Variants in BRWD1 observed in about 807,000 individuals in gnomAD.
The protein encoded by BRWD1 is bromodomain and WD repeat-containing protein 1.
In BRWD1, 82 loss-of-function variants were observed where a neutral mutation model predicts 251.2. The ratio of observed to expected loss-of-function variants is 0.33; its 90% confidence interval spans 0.27 to 0.39. The LOEUF is 0.39. BRWD1 is among the 10% of genes least tolerant of loss of function. The probability of loss-of-function intolerance (pLI) is 1.00; values close to 1 mark genes in which losing one functional copy is unlikely to be tolerated. For synonymous variants in BRWD1, 918 were observed against 902.8 expected (o/e 1.02, Z -0.30); for missense variants, 2,233 against 2,711.6 (o/e 0.82, Z 3.92).
intron 4 of BRWD1, 109 bp downstream of exon 4, chr21:39,312,732 G>C (rs1329937861): frequency 2.7e-6 from 2 of 747,280 alleles, no homozygotes; most frequent in African/African-American, 1.8e-5. Context: ...CCGCCCCCCA[G>C]TGCGGGTCAC....
intron 10 of BRWD1, 72 bp from the exon 11 acceptor site, chr21:39,277,423 A>C: frequency 1.1e-6 from 1 of 945,858 alleles, no homozygotes; most frequent in South Asian, 2.5e-5. Flanking sequence ...TTTCCATATT[A>C]AAATATAAAA....
In BRWD1 at chr21:39,313,003, GGC is replaced by G. The variant is rs1418117664; in HGVS notation, c.138+67_138+68del. The G allele has an allele frequency of 2.6e-4, 309 of 1,168,498 alleles. 2 individuals carry two copies. In the African/African-American group the frequency reaches 4.4e-3, roughly 17 times the overall value. 72.4% of individuals were successfully genotyped at this position (1,168,498 alleles called of 1,614,324 possible). A position where few individuals can be genotyped will look rare whatever the true frequency, so the allele number is the denominator to read the frequency against. On this transcript the variant is annotated intron_variant, in intron 3 of 40. Transcript: ENST00000342449. ...CGGCGGGCGGCGGGCGGGGGGCGCG[GGC>G]GAGCATCCCTCAGGGCAAGGTCGGC...
rs1159638002 is a variant in BRWD1, at chr21:39,313,477, C to T, written c.15G>A (p.Ser5=). The T allele has an allele frequency of 2.2e-6, 3 of 1,334,138 alleles. No homozygotes were observed. The highest frequency in any genetic ancestry group is 2.9e-6 in the Non-Finnish European group (3 of 1,047,748). The allele number at this position is 1,334,138 out of a possible 1,614,324, so 82.6% of individuals were successfully genotyped here. The change falls in exon 1 of 41, where the codon TCG becomes TCA. Residue 5 remains serine (S), a synonymous_variant. Transcript: ENST00000342449. Reference sequence around the variant, plus strand: ...TGAGAGGCACCGGGCGTCGGGCGGACGACGGCTCCGCCATGGCCGGGCGCG... The same window carrying T: ...TGAGAGGCACCGGGCGTCGGGCGGATGACGGCTCCGCCATGGCCGGGCGCG... MAEP[S]SARRPVPLIE...
chr21:39,199,645 T>G lies in BRWD1; in HGVS notation c.4771A>C (p.Asn1591His). 6.2e-7 allele frequency: 1 copy of G among 1,605,366 alleles called. No individual in the cohort carries two copies. The highest frequency in any genetic ancestry group is 1.3e-5 in the African/African-American group (1 of 74,290). Residue 1591 changes from asparagine (N) to histidine (H), a missense_variant, in exon 40 of 41, where the codon AAT becomes CAT. Transcript: ENST00000342449. ...QRKTGPVSLA[N>H]GCGRKATRKR... ...CGAGTGGCTTTTCTGCCACATCCAT[T>G]TGCTAATGAAACGGGACCTAGAAAT...
At chr21:39,213,680 C>G (rs180874019) in intron 32 of BRWD1, 127 bp from the exon 33 acceptor site, 2 of 567,130 alleles carry the variant, frequency 3.5e-6, no homozygotes, top group Non-Finnish European at 6.0e-6. Context: ...AGAGGAATAT[C>G]AGGTTTTCCC....
In BRWD1 at chr21:39,199,471, T is replaced by A; in HGVS notation, c.4945A>T (p.Asn1649Tyr). 1 of 1,614,184 alleles carries A rather than the reference T, an allele frequency of 6.2e-7. No homozygotes were observed. The highest frequency in any genetic ancestry group is 1.1e-5 in the South Asian group (1 of 91,084). ...GAACAGACACTTTCAGAGCTAGAAT[T>A]CTCTTCTACATCACTCATTAGCTTT... ...KIKLMSDVEE[N>Y]SSSESVCSGR... The change falls in exon 40 of 41, where the codon AAT becomes TAT. Residue 1649 changes from asparagine to tyrosine, a missense_variant. Coordinates refer to ENST00000342449, the MANE Select transcript of BRWD1 (RefSeq NM_033656.4).
chr21:39,231,077 G>A (rs2033596825), intron 25 of BRWD1, among the ~76,000 whole-genome samples: 1 of 152,088 alleles, frequency 6.6e-6, no homozygotes, highest in Admixed American at 6.5e-5. Context: ...ACTTATACAA[G>A]CAGAGCCATT....
chr21:39,185,206 T>A (rs1471873918), downstream of BRWD1: 2 of 143,646 alleles, frequency 1.4e-5, no homozygotes, highest in Admixed American at 7.3e-5. Flanking sequence ...GCAAGACTGA[T>A]AATACAATCT....
At chr21:39,200,075 A>G in intron 39 of BRWD1, 144 bp downstream of exon 39, 1 of 861,330 alleles carries the variant, frequency 1.2e-6, no homozygotes. Context: ...TTTAATGCCA[A>G]AATTCATTTC....
At chr21:39,313,376 C>T (rs868147779) in intron 1 of BRWD1, 67 bp downstream of exon 1, 5 of 1,252,846 alleles carry the variant, frequency 4.0e-6, no homozygotes, top group South Asian at 1.5e-5. Flanking sequence ...CGGGGGAGCC[C>T]GGGGAGCCGG....
At position 39,194,781 on chromosome 21, in the gene BRWD1, A is replaced by G; in HGVS notation, c.*1478T>C. The stretch of plus-strand genomic sequence containing the variant: ...AACCAAACACAATTAGGGCTAATAA[A>G]TAACATTGTCTAATATTGATACCAG... On this transcript the variant is annotated 3_prime_UTR_variant, in exon 41 of 41. Transcript: ENST00000342449. 6.5e-7 allele frequency: 1 copy of G among 1,535,106 alleles called. No individual in the cohort carries two copies. The highest frequency in any genetic ancestry group is 2.4e-5 in the East Asian group (1 of 40,870).
At chr21:39,254,023 T>C (rs1420022997) in intron 19 of BRWD1, among the ~76,000 whole-genome samples, 1 of 152,148 alleles carries the variant, frequency 6.6e-6, no homozygotes, top group African/African-American at 2.4e-5. Context: ...TCCCAGCACT[T>C]TGGGAGGCCG....
intron 38 of BRWD1, among the ~76,000 whole-genome samples, chr21:39,200,708 G>T (rs942295329): frequency 6.6e-6 from 1 of 152,154 alleles, no homozygotes; most frequent in Non-Finnish European, 1.5e-5. Flanking sequence ...GCTGCAGGCC[G>T]GGCACGGTGA....
At chr21:39,236,892 A>G in intron 22 of BRWD1, 108 bp from the exon 23 acceptor site, 1 of 971,220 alleles carries the variant, frequency 1.0e-6, no homozygotes, top group Admixed American at 2.6e-5. Flanking sequence ...AGGGAAGGGA[A>G]GATACCAGAA....
chr21:39,247,127 C>G (rs574133311), intron 21 of BRWD1, among the ~76,000 whole-genome samples: 2 of 150,270 alleles, frequency 1.3e-5, no homozygotes, highest in East Asian at 3.9e-4. Flanking sequence ...CAGGCAAATG[C>G]AGAAAAAGAA....
Position 39,238,510 on chromosome 21 carries a change from T to C in BRWD1, c.2545A>G (p.Arg849Gly), listed in dbSNP as rs1217699967. ...SSEEDEWRSD[R>G]KSESYSESSS... Reference sequence around the variant, plus strand: ...CTTTCGCTGTAACTCTCACTTTTTCTGTCACTTCTCCATTCATCCTCTTCT... The same window carrying C: ...CTTTCGCTGTAACTCTCACTTTTTCCGTCACTTCTCCATTCATCCTCTTCT... The change falls in exon 22 of 41, where the codon AGA (arginine) becomes GGA (glycine). Residue 849 changes from arginine (R) to glycine (G), a missense_variant. Arg to Gly is a moderately radical substitution (Grantham distance 125). Transcript: ENST00000342449. 3 of 1,613,688 alleles carry C rather than the reference T, an allele frequency of 1.9e-6. No individual in the cohort carries two copies. Among genetic ancestry groups the C allele is most frequent in the Non-Finnish European group, 2.5e-6 (3 of 1,179,712 alleles).
In BRWD1 at chr21:39,188,079, G is replaced by A; in HGVS notation, c.*8180C>T. On this transcript the variant is annotated 3_prime_UTR_variant, in exon 41 of 41. Transcript: ENST00000342449. ...GATGCCAGAGCTACTACTCCGTGCT[G>A]ACCAAACTTAGGAGGGCTCAGATAT... 3 of 985,408 alleles carry A rather than the reference G, an allele frequency of 3.0e-6. No homozygotes were observed. The highest frequency in any genetic ancestry group is 3.6e-6 in the Non-Finnish European group (3 of 829,926). The allele number at this position is 985,408 out of a possible 1,614,324, so 61.0% of individuals were successfully genotyped here.
In BRWD1 at chr21:39,264,966, T is replaced by C; in HGVS notation, c.1584A>G (p.Gly528=). The C allele has an allele frequency of 6.2e-7, 1 of 1,613,918 alleles. No homozygotes were observed. Among genetic ancestry groups the C allele is most frequent in the Non-Finnish European group, 8.5e-7 (1 of 1,179,870 alleles). The change falls in exon 16 of 41, where the codon GGA becomes GGG. Residue 528 remains glycine, a synonymous_variant. Coordinates refer to ENST00000342449, the MANE Select transcript of BRWD1 (RefSeq NM_033656.4). ...GAGAATCTGTACAGGCAAAATGCTGTCCATCCTGTGAAAACTTACAGTCAA... is the reference window on the plus strand; with the variant it reads ...GAGAATCTGTACAGGCAAAATGCTGCCCATCCTGTGAAAACTTACAGTCAA... ...AVFDCKFSQD[G]QHFACTDSHG...
At chr21:39,237,306 C>G (rs962142564) in intron 22 of BRWD1, among the ~76,000 whole-genome samples, 3 of 152,156 alleles carry the variant, frequency 2.0e-5, no homozygotes, top group Non-Finnish European at 4.4e-5. Context: ...CAAGAGGAGT[C>G]TCCCTGATAG....
Sources: allele counts gnomAD v4.1 joint callset (sites outside exome capture counted in the v4.1 genomes callset), GRCh38; gene constraint gnomAD v4.1.1; transcripts MANE v1.5; gene names NCBI Gene and HGNC (gene_info 2026-07-23, HGNC 2026-07-21).